Variants in KHDRBS2 observed in about 807,000 individuals in gnomAD.
KHDRBS2 encodes the protein KH domain-containing, RNA-binding, signal transduction-associated protein 2.
In KHDRBS2, 26 loss-of-function variants were observed where a neutral mutation model predicts 44.3. That is an observed-to-expected ratio of 0.59 (90% CI 0.43 to 0.81). KHDRBS2 has a LOEUF of 0.81. KHDRBS2 is among the 40% of genes least tolerant of loss of function. The pLI, the probability that KHDRBS2 is intolerant of heterozygous loss-of-function variation, is 0.00. For synonymous variants in KHDRBS2, 194 were observed against 151.1 expected (o/e 1.28, Z -2.08); for missense variants, 476 against 433.1 (o/e 1.10, Z -0.88).
intron 3 of KHDRBS2, among the ~76,000 whole-genome samples, chr6:62,046,333 T>C (rs1787682423): frequency 6.6e-6 from 1 of 151,984 alleles, no homozygotes; most frequent in South Asian, 2.1e-4. Flanking sequence ...TTTTAAAAGA[T>C]ATAGAAATAC....
intron 3 of KHDRBS2, among the ~76,000 whole-genome samples, chr6:61,995,489 C>T (rs9445776): frequency 0.021 from 3,183 of 152,196 alleles, 115 homozygotes; most frequent in African/African-American, 0.074. Flanking sequence ...GAAGGAACAT[C>T]AAGAATGTAA....
At chr6:61,740,072 G>T (rs1031519640) in intron 6 of KHDRBS2, among the ~76,000 whole-genome samples, 4 of 151,854 alleles carry the variant, frequency 2.6e-5, no homozygotes, top group African/African-American at 9.7e-5. Context: ...ATGCAATTGA[G>T]ATACCAAAGA....
chr6:62,048,119 CAT>C (rs1398833765), intron 2 of KHDRBS2, 125 bp from the exon 3 acceptor site: 18 of 573,160 alleles, frequency 3.1e-5, no homozygotes, highest in African/African-American at 6.6e-5. Flanking sequence ...ATGCCATAAA[CAT>C]ACACACACAC....
chr6:61,651,658 T>C, the KHDRBS2 span, among the ~76,000 whole-genome samples: 3 of 152,088 alleles, frequency 2.0e-5, no homozygotes, highest in Non-Finnish European at 4.4e-5. Flanking sequence ...AGCTAGAAAA[T>C]TGTGGAACCA....
chr6:62,234,039 A>T (rs902507834), intron 1 of KHDRBS2, among the ~76,000 whole-genome samples: 14 of 148,858 alleles, frequency 9.4e-5, no homozygotes, highest in African/African-American at 2.7e-4. Context: ...ATTTCTGTTT[A>T]AAAAAAAAAC....
chr6:62,279,408 G>T (rs1227363004), intron 1 of KHDRBS2, among the ~76,000 whole-genome samples: 1 of 152,142 alleles, frequency 6.6e-6, no homozygotes, highest in Non-Finnish European at 1.5e-5. Flanking sequence ...TAAACACATG[G>T]TAGGAGAAAA....
chr6:61,733,822 A>G (rs548256291), intron 6 of KHDRBS2, among the ~76,000 whole-genome samples: 3 of 151,780 alleles, frequency 2.0e-5, no homozygotes, highest in Admixed American at 6.5e-5. Context: ...TTAATTTTAA[A>G]CACTAGCCAT....
chr6:62,142,046 C>A (rs1812934938), intron 2 of KHDRBS2, among the ~76,000 whole-genome samples: 1 of 151,992 alleles, frequency 6.6e-6, no homozygotes, highest in South Asian at 2.1e-4. Flanking sequence ...TCTTTGCATA[C>A]TAGACGACCT....
intron 3 of KHDRBS2, among the ~76,000 whole-genome samples, chr6:62,010,166 A>G (rs1780035084): frequency 6.6e-6 from 1 of 152,190 alleles, no homozygotes; most frequent in Non-Finnish European, 1.5e-5. Flanking sequence ...ATCTCTTGCA[A>G]CAGCGTGACC....
Position 61,758,421 on chromosome 6 carries a change from T to C in KHDRBS2, c.811-25657A>G, listed in dbSNP as rs190731399. Among the ~76,000 whole-genome samples, 236 of 152,056 alleles carry C rather than the reference T, an allele frequency of 1.6e-3. 1 individual carries two copies. The highest frequency in any genetic ancestry group is 5.3e-3 in the African/African-American group (220 of 41,528). On this transcript the variant is annotated intron_variant, in intron 6 of 8. Coordinates refer to ENST00000281156, the MANE Select transcript of KHDRBS2 (RefSeq NM_152688.4). ...CTATCTTCCACTAGATCATGAATGT[T>C]TGACAAATAGGTTCTTTGTCAATTT...
chr6:61,735,470 G>A (rs1416082360), intron 6 of KHDRBS2, among the ~76,000 whole-genome samples: 1 of 152,036 alleles, frequency 6.6e-6, no homozygotes, highest in Non-Finnish European at 1.5e-5. Flanking sequence ...GAATTTTGTA[G>A]CTATTTTAAT....
At chr6:61,777,301 T>C (rs930049027) in intron 6 of KHDRBS2, among the ~76,000 whole-genome samples, 1 of 151,578 alleles carries the variant, frequency 6.6e-6, no homozygotes, top group South Asian at 2.1e-4. Flanking sequence ...TAATAAAATA[T>C]AAAAAAAATT....
At chr6:62,154,127 T>C (rs944270536) in intron 2 of KHDRBS2, among the ~76,000 whole-genome samples, 11 of 152,092 alleles carry the variant, frequency 7.2e-5, no homozygotes, top group African/African-American at 2.4e-4. Flanking sequence ...AGTGAGAGGC[T>C]GTATGAAAAG....
intron 4 of KHDRBS2, among the ~76,000 whole-genome samples, chr6:61,960,500 T>C (rs891013409): frequency 3.3e-5 from 5 of 152,086 alleles, no homozygotes; most frequent in African/African-American, 1.2e-4. Context: ...ACTGCAATAA[T>C]GTGGTGAAAT....
intron 6 of KHDRBS2, among the ~76,000 whole-genome samples, chr6:61,883,853 A>G (rs16900366): frequency 0.077 from 11,713 of 152,096 alleles, 516 homozygotes; most frequent in Middle Eastern, 0.14. Flanking sequence ...AATGGGGACT[A>G]GAGCATGAAA....
chr6:62,094,005 T>C (rs1275321678), intron 2 of KHDRBS2, among the ~76,000 whole-genome samples: 1 of 151,922 alleles, frequency 6.6e-6, no homozygotes, highest in Non-Finnish European at 1.5e-5. Flanking sequence ...CAGATATCTT[T>C]TTGACATACG....
chr6:61,548,820 C>A, the KHDRBS2 span, among the ~76,000 whole-genome samples: 2 of 152,202 alleles, frequency 1.3e-5, no homozygotes, highest in South Asian at 4.1e-4. Flanking sequence ...AAACACAAAT[C>A]ATTGGCCATT....
chr6:62,055,265 G>T (rs1356945623), intron 2 of KHDRBS2, among the ~76,000 whole-genome samples: 1 of 151,792 alleles, frequency 6.6e-6, no homozygotes, highest in East Asian at 1.9e-4. Context: ...AGACTTAATA[G>T]ATAAAGGATA....
At chr6:61,646,678 A>G in the KHDRBS2 span, among the ~76,000 whole-genome samples, 2 of 152,096 alleles carry the variant, frequency 1.3e-5, no homozygotes, top group African/African-American at 4.8e-5. Context: ...CAGTTCCCAT[A>G]TCATCTTTAC....
Sources: allele counts gnomAD v4.1 joint callset (sites outside exome capture counted in the v4.1 genomes callset), GRCh38; gene constraint gnomAD v4.1.1; transcripts MANE v1.5; gene names NCBI Gene and HGNC (gene_info 2026-07-23, HGNC 2026-07-21).